IRAG2: variants seen among roughly 807,000 people sequenced by gnomAD.
IRAG2 encodes inositol 1,4,5-triphosphate receptor associated 2.
In IRAG2, 45 loss-of-function variants were observed where a neutral mutation model predicts 69.9. That is an observed-to-expected ratio of 0.64 (90% CI 0.51 to 0.83). IRAG2 has a LOEUF of 0.83. Ranked by LOEUF, IRAG2 falls within the 40% of genes least tolerant of loss-of-function variation. The pLI is 0.00. For missense variants in IRAG2, 520 were observed against 587.0 expected (o/e 0.89, Z 1.18); for synonymous variants, 193 against 202.4 (o/e 0.95, Z 0.40).
intron 10 of IRAG2, among the ~76,000 whole-genome samples, chr12:25,085,276 C>T (rs1452459412): frequency 6.6e-6 from 1 of 152,210 alleles, no homozygotes; most frequent in African/African-American, 2.4e-5. Context: ...CAAGGTTTTA[C>T]TGAGTGGTGG....
At chr12:25,072,829 C>G (rs1276239694) in intron 6 of IRAG2, among the ~76,000 whole-genome samples, 1 of 152,238 alleles carries the variant, frequency 6.6e-6, no homozygotes. Flanking sequence ...GTCAGCCAAA[C>G]CAGGTAGCCT....
chr12:25,103,795 T>C (rs983990754), intron 17 of IRAG2, 42 bp from the exon 18 acceptor site: 1 of 1,392,814 alleles, frequency 7.2e-7, no homozygotes, highest in African/African-American at 1.4e-5. Flanking sequence ...AATGATAAAT[T>C]ATTGAGAGTT....
exon 14 of IRAG2, chr12:25,035,675 A>G (rs898137820): frequency 2.5e-6 from 1 of 399,052 alleles, no homozygotes; most frequent in Admixed American, 4.4e-5. Flanking sequence ...GAAAGGCAGC[A>G]CAATGTAATC....
chr12:25,107,151 C>A, intron 21 of IRAG2, 101 bp downstream of exon 21: 1 of 506,774 alleles, frequency 2.0e-6, no homozygotes, highest in Non-Finnish European at 3.4e-6. Flanking sequence ...AAAGACATGC[C>A]AAATTGTTGT....
At position 25,106,987 on chromosome 12, in the gene IRAG2, G is replaced by A; in HGVS notation, c.1193G>A (p.Arg398Lys). Residue 398 changes from arginine to lysine, a missense_variant, in exon 21 of 22, where the codon AGG (arginine) becomes AAG (lysine). By Grantham distance (26) the Arg-to-Lys change is conservative. Transcript: ENST00000556887. ...SEPSGEETVERTRKPSLSEKK... is the reference protein window; with the variant it reads ...SEPSGEETVEKTRKPSLSEKK... ...CCATCTGGAGAAGAAACAGTAGAAA[G>A]GACAAGGAAGCCAAGTCTTTCTGAA... is the stretch of plus-strand genomic sequence containing the variant. 1 of 1,608,150 alleles carries A rather than the reference G, an allele frequency of 6.2e-7. No homozygotes were observed. Among genetic ancestry groups the A allele is most frequent in the Non-Finnish European group, 8.5e-7 (1 of 1,176,554 alleles).
At chr12:25,012,662 T>C (rs1043088509) in intron 3 of IRAG2, among the ~76,000 whole-genome samples, 1 of 152,118 alleles carries the variant, frequency 6.6e-6, no homozygotes, top group Non-Finnish European at 1.5e-5. Flanking sequence ...ACCCTGTCTC[T>C]ACTAAAAATA....
exon 1 of IRAG2, chr12:25,004,574 G>A: frequency 8.1e-7 from 1 of 1,232,116 alleles, no homozygotes; most frequent in Non-Finnish European, 1.0e-6. Context: ...CATTGGTCAA[G>A]TTCTGAGGAA....
chr12:25,055,472 A>G (rs1183113688), intron 1 of IRAG2, among the ~76,000 whole-genome samples: 11 of 152,150 alleles, frequency 7.2e-5, no homozygotes, highest in Admixed American at 7.2e-4. Context: ...AATTTTTTTT[A>G]TTATACTTAT....
Position 25,013,647 on chromosome 12 carries a change from A to G in IRAG2, c.897-1535A>G, listed in dbSNP as rs538704553. Among the ~76,000 whole-genome samples, 9 of 152,336 alleles carry G rather than the reference A, an allele frequency of 5.9e-5. 1 individual carries two copies. In the East Asian group the frequency reaches 1.7e-3, roughly 29 times the overall value. On this transcript the variant is annotated intron_variant, in intron 3 of 38. Coordinates refer to the IRAG2 transcript ENST00000636465. ...TTAAAAAGAGACAATTGGACAAATT[A>G]TAGTGCTTCCATACACTAAAATACT...
intron 1 of IRAG2, among the ~76,000 whole-genome samples, chr12:25,059,452 A>G (rs1945469423): frequency 6.6e-6 from 1 of 152,108 alleles, no homozygotes; most frequent in Admixed American, 6.5e-5. Flanking sequence ...CCCGGGTTCA[A>G]GCAATTCTCC....
intron 6 of IRAG2, among the ~76,000 whole-genome samples, chr12:25,075,121 A>T (rs1180801760): frequency 2.0e-5 from 3 of 152,140 alleles, no homozygotes; most frequent in Non-Finnish European, 2.9e-5. Context: ...ATAAATGCAA[A>T]CCTATAAGCA....
intron 9 of IRAG2, among the ~76,000 whole-genome samples, chr12:25,028,770 A>G (rs1275620239): frequency 6.6e-6 from 1 of 152,216 alleles, no homozygotes; most frequent in Admixed American, 6.5e-5. Context: ...TTAAATTTCT[A>G]CATTCTGATG....
chr12:25,103,834 T>C lies in IRAG2; in HGVS notation c.934-3T>C. The stretch of plus-strand genomic sequence containing the variant: ...TAAATGTACATTTTCCTCCTTCTGG[T>C]AGCCATCTTCTCTACGAAGAGTGAC... On this transcript the variant is annotated splice_polypyrimidine_tract_variant and splice_region_variant and intron_variant, in intron 17 of 21. Transcript: ENST00000556887. 2 of 1,607,612 alleles carry C rather than the reference T, an allele frequency of 1.2e-6. No homozygotes were observed. Among genetic ancestry groups the C allele is most frequent in the Non-Finnish European group, 1.7e-6 (2 of 1,174,744 alleles).
chr12:25,030,352 C>T (rs1429850507), intron 10 of IRAG2: 9 of 1,227,222 alleles, frequency 7.3e-6, no homozygotes, highest in Admixed American at 4.2e-5. Flanking sequence ...TTGTTCCTTA[C>T]CACAAAGTCC....
intron 9 of IRAG2, among the ~76,000 whole-genome samples, chr12:25,029,317 G>A (rs1944650585): frequency 6.6e-6 from 1 of 152,186 alleles, no homozygotes; most frequent in Non-Finnish European, 1.5e-5. Flanking sequence ...AGAGCCAGAA[G>A]ACACGGGTTC....
chr12:25,068,445 T>C (rs1171302895), intron 5 of IRAG2, among the ~76,000 whole-genome samples: 3 of 152,122 alleles, frequency 2.0e-5, no homozygotes, highest in African/African-American at 4.8e-5. Flanking sequence ...AGTGCTGTCC[T>C]TTCAGGTTTT....
At chr12:25,036,554 C>T (rs917772890) in intron 14 of IRAG2, 2 of 398,528 alleles carry the variant, frequency 5.0e-6, no homozygotes, top group African/African-American at 4.1e-5. Flanking sequence ...CATATGTCTT[C>T]CTAGTTGAAG....
intron 2 of IRAG2, among the ~76,000 whole-genome samples, chr12:25,006,096 C>A (rs1227315949): frequency 6.6e-6 from 1 of 152,058 alleles, no homozygotes; most frequent in Admixed American, 6.6e-5. Context: ...CAAAAGAAGA[C>A]ATACATGCAG....
In IRAG2 at chr12:25,041,764, C is replaced by T. The variant is rs1243552754; in HGVS notation, c.2144+3627C>T. Among the ~76,000 whole-genome samples the T allele has an allele frequency of 4.0e-5, 6 of 149,348 alleles. No homozygotes were observed. In the East Asian group the frequency reaches 1.2e-3, roughly 30 times the overall value. The stretch of plus-strand genomic sequence containing the variant: ...TCAAGTGATCTGCCCACCTAGGCCT[C>T]CCAAAGTGCTGGGATTACAGGTATG... On this transcript the variant is annotated intron_variant, in intron 16 of 38. Coordinates refer to the IRAG2 transcript ENST00000636465.
Sources: allele counts gnomAD v4.1 joint callset (sites outside exome capture counted in the v4.1 genomes callset), GRCh38; gene constraint gnomAD v4.1.1; transcripts MANE v1.5; gene names NCBI Gene and HGNC (gene_info 2026-07-23, HGNC 2026-07-21).